SLC36A1: variants seen among roughly 807,000 people sequenced by gnomAD.
SLC36A1 encodes the protein proton-coupled amino acid transporter 1.
In SLC36A1, 30 loss-of-function variants were observed where a neutral mutation model predicts 47.5. The observed-to-expected ratio is 0.63, with a 90% confidence interval of 0.47 to 0.86. The LOEUF is 0.86. SLC36A1 is among the 40% of genes least tolerant of loss of function. The probability of loss-of-function intolerance (pLI) is 0.00; values close to 1 mark genes in which losing one functional copy is unlikely to be tolerated. For synonymous variants in SLC36A1, 255 were observed against 249.7 expected (o/e 1.02, Z -0.20); for missense variants, 517 against 606.0 (o/e 0.85, Z 1.54).
chr5:151,536,421 A>C, the SLC36A1 span, among the ~76,000 whole-genome samples: 2 of 152,088 alleles, frequency 1.3e-5, no homozygotes, highest in Non-Finnish European at 2.9e-5. Flanking sequence ...GGTATCTCCA[A>C]GTCATCCTGT....
At position 151,468,266 on chromosome 5, in the gene SLC36A1, A is replaced by AATAT. The variant is rs1554113501; in HGVS notation, c.723+366_723+369dup. Among the ~76,000 whole-genome samples the AATAT allele has an allele frequency of 8.5e-3, 545 of 63,754 alleles. 17 individuals carry two copies. The highest frequency in any genetic ancestry group is 0.04 in the East Asian group (65 of 1,606). The allele number at this position is 63,754 out of a possible 152,430, so 41.8% of individuals were successfully genotyped here. A position where few individuals can be genotyped will look rare whatever the true frequency, so the allele number is the denominator to read the frequency against. On this transcript the variant is annotated intron_variant, in intron 7 of 10. Transcript: ENST00000243389. ...GACTCTGTCTCAAAAAAAAAAAAAAAATATATATATATATATATATATATA... is the reference window on the plus strand; with the variant it reads ...GACTCTGTCTCAAAAAAAAAAAAAAAATATATATATATATATATATATATATATA...
chr5:151,435,077 G>C (rs1033633831), upstream of SLC36A1, among the ~76,000 whole-genome samples: 11 of 152,176 alleles, frequency 7.2e-5, no homozygotes, highest in African/African-American at 2.7e-4. Context: ...AAGAGACCCA[G>C]TGAATTCCAA....
At chr5:151,487,164 C>G (rs1331139868) in intron 10 of SLC36A1, among the ~76,000 whole-genome samples, 2 of 152,244 alleles carry the variant, frequency 1.3e-5, no homozygotes. Flanking sequence ...CTTTGCCCAC[C>G]TGGTGGAAAG....
chr5:151,517,429 C>T, the SLC36A1 span, among the ~76,000 whole-genome samples: 84 of 152,360 alleles, frequency 5.5e-4, no homozygotes, highest in African/African-American at 1.9e-3. Context: ...GGACGTATAT[C>T]TCCAGGTTGG....
the SLC36A1 span, chr5:151,382,271 A>T: frequency 1.5e-6 from 2 of 1,305,624 alleles, no homozygotes; most frequent in Non-Finnish European, 2.2e-6. Context: ...GCTACATAGC[A>T]CACACAGGCT....
the SLC36A1 span, among the ~76,000 whole-genome samples, chr5:151,428,441 C>T: frequency 2.6e-5 from 4 of 152,262 alleles, no homozygotes; most frequent in South Asian, 6.2e-4. Flanking sequence ...GGCTGCATCT[C>T]CAGGCCCTAG....
chr5:151,472,398 C>T (rs1393882248), intron 7 of SLC36A1, among the ~76,000 whole-genome samples: 2 of 152,248 alleles, frequency 1.3e-5, no homozygotes, highest in Non-Finnish European at 2.9e-5. Flanking sequence ...CTGCCTTTCC[C>T]AGTCCACTGA....
the SLC36A1 span, among the ~76,000 whole-genome samples, chr5:151,385,009 A>AGAGAGAGAGTGTGTGT: frequency 3.5e-4 from 45 of 128,518 alleles, no homozygotes; most frequent in African/African-American, 1.1e-3. Context: ...AGAGAGAGAG[A>AGAGAGAGAGTGTGTGT]GTGTGTGTGT....
At chr5:151,546,039 C>T in the SLC36A1 span, 3 of 1,614,146 alleles carry the variant, frequency 1.9e-6, no homozygotes, top group Admixed American at 3.3e-5. Context: ...CCTTATTTCC[C>T]TCTCTTAACT....
At chr5:151,373,133 A>G in the SLC36A1 span, among the ~76,000 whole-genome samples, 1 of 152,136 alleles carries the variant, frequency 6.6e-6, no homozygotes, top group African/African-American at 2.4e-5. Context: ...ACATAAAACT[A>G]TAGATCAAAA....
chr5:151,453,957 C>T (rs1351037625), intron 1 of SLC36A1, among the ~76,000 whole-genome samples: 1 of 151,820 alleles, frequency 6.6e-6, no homozygotes, highest in Non-Finnish European at 1.5e-5. Flanking sequence ...TCCACCTGCT[C>T]ATTTTTAGTG....
the SLC36A1 span, chr5:151,521,567 C>T: frequency 6.2e-7 from 1 of 1,614,072 alleles, no homozygotes. Context: ...CCAGCCACGG[C>T]CTCTGCAGGC....
chr5:151,355,875 T>C, the SLC36A1 span, among the ~76,000 whole-genome samples: 2 of 152,334 alleles, frequency 1.3e-5, no homozygotes, highest in Non-Finnish European at 2.9e-5. Context: ...CATGGTTGTA[T>C]ATGCTTGAGA....
chr5:151,471,704 T>C (rs1757334430), intron 7 of SLC36A1, among the ~76,000 whole-genome samples: 1 of 152,190 alleles, frequency 6.6e-6, no homozygotes, highest in Admixed American at 6.5e-5. Context: ...AACACATTTA[T>C]TTAATTTTTT....
At chr5:151,425,754 C>T in the SLC36A1 span, among the ~76,000 whole-genome samples, 1 of 152,106 alleles carries the variant, frequency 6.6e-6, no homozygotes, top group Non-Finnish European at 1.5e-5. Context: ...CGTATTTGGA[C>T]TATAAGGCCT....
At chr5:151,445,611 G>A (rs886966871), upstream of SLC36A1, among the ~76,000 whole-genome samples, 1 of 152,170 alleles carries the variant, frequency 6.6e-6, no homozygotes, top group African/African-American at 2.4e-5. Context: ...TTGTTGGGAA[G>A]TTTAAACAGA....
At chr5:151,459,267 C>G (rs968848665) in intron 2 of SLC36A1, among the ~76,000 whole-genome samples, 1 of 152,164 alleles carries the variant, frequency 6.6e-6, no homozygotes, top group Non-Finnish European at 1.5e-5. Context: ...CAAGCATAAT[C>G]GGAAGCTTCC....
At chr5:151,537,862 T>C in the SLC36A1 span, 1 of 1,614,228 alleles carries the variant, frequency 6.2e-7, no homozygotes, top group Non-Finnish European at 8.5e-7. Flanking sequence ...TGAGCATTGG[T>C]ATCAGTGTCC....
chr5:151,451,480 G>A (rs28703169), intron 1 of SLC36A1, among the ~76,000 whole-genome samples: 59,309 of 151,938 alleles, frequency 0.39, 11,761 homozygotes, highest in East Asian at 0.56. Context: ...CATCTCCAAG[G>A]TAGGGACCTG....
Sources: allele counts gnomAD v4.1 joint callset (sites outside exome capture counted in the v4.1 genomes callset), GRCh38; gene constraint gnomAD v4.1.1; transcripts MANE v1.5; gene names NCBI Gene and HGNC (gene_info 2026-07-23, HGNC 2026-07-21).